The following NKIRAS1 variants were observed in gnomAD, a reference collection of about 807,000 sequenced individuals.
NKIRAS1 encodes the protein NF-kappa-B inhibitor-interacting Ras-like protein 1.
A neutral mutation model predicts 19.8 loss-of-function variants in NKIRAS1; 16 were observed. The observed-to-expected ratio is 0.81, with a 90% CI of 0.55 to 1.23. NKIRAS1 has a LOEUF of 1.23. NKIRAS1 is among the 50% of genes most tolerant of loss of function. The pLI, the probability that NKIRAS1 is intolerant of heterozygous loss-of-function variation, is 0.00. For synonymous variants in NKIRAS1, 88 were observed against 79.0 expected (o/e 1.11, Z -0.61); for missense variants, 184 against 220.0 (o/e 0.84, Z 1.04).
intron 1 of NKIRAS1, among the ~76,000 whole-genome samples, chr3:23,944,010 A>G (rs889171085): frequency 1.3e-5 from 2 of 152,248 alleles, no homozygotes; most frequent in African/African-American, 4.8e-5. Context: ...GGAGGACCCA[A>G]GAAGCACTCT....
intron 4 of NKIRAS1, among the ~76,000 whole-genome samples, chr3:23,899,980 G>A (rs567085005): frequency 2.3e-4 from 35 of 152,108 alleles, no homozygotes; most frequent in African/African-American, 8.0e-4. Flanking sequence ...TGGCTAACAC[G>A]GTGAAACCCT....
chr3:23,921,233 C>T (rs753454127), upstream of NKIRAS1, among the ~76,000 whole-genome samples: 16 of 152,180 alleles, frequency 1.1e-4, no homozygotes, highest in Admixed American at 2.0e-4. Context: ...CCTGTCCTTG[C>T]TACCCAACAG....
chr3:23,923,558 C>T (rs746793000), intron 1 of NKIRAS1: 2 of 152,144 alleles, frequency 1.3e-5, no homozygotes, highest in Non-Finnish European at 2.9e-5. Flanking sequence ...GGTATCCCAT[C>T]ATGTGGATGT....
chr3:23,913,040 C>CAAAAAAAAAAAAAAAAAAAAAAAAAAA (rs1169515621), intron 1 of NKIRAS1, among the ~76,000 whole-genome samples: 1 of 47,708 alleles, frequency 2.1e-5, no homozygotes, highest in Non-Finnish European at 4.8e-5. Context: ...GACTCCGTCT[C>CAAAAAAAAAAAAAAAAAAAAAAAAAAA]AAAAAAAAAA....
chr3:23,945,023 G>C (rs1049949295), intron 1 of NKIRAS1, among the ~76,000 whole-genome samples: 2 of 152,044 alleles, frequency 1.3e-5, no homozygotes, highest in East Asian at 1.9e-4. Flanking sequence ...AGAGGAAAGA[G>C]GAGGAGGAGG....
At chr3:23,928,983 C>T (rs1424641535) in intron 1 of NKIRAS1, among the ~76,000 whole-genome samples, 3 of 143,596 alleles carry the variant, frequency 2.1e-5, no homozygotes, top group Admixed American at 7.2e-5. Context: ...GGCGACAGAG[C>T]GAGACTCCAT....
intron 2 of NKIRAS1, 63 bp from the exon 3 acceptor site, chr3:23,910,984 T>G (rs1312922947): frequency 2.4e-6 from 3 of 1,244,970 alleles, no homozygotes; most frequent in African/African-American, 3.0e-5. Flanking sequence ...TTCTTTTTCT[T>G]TCAGTATTTC....
intron 1 of NKIRAS1, among the ~76,000 whole-genome samples, chr3:23,933,626 A>G (rs1242189539): frequency 6.6e-6 from 1 of 152,074 alleles, no homozygotes; most frequent in African/African-American, 2.4e-5. Context: ...TCCTGTGCCT[A>G]TCTCCCCCAC....
chr3:23,912,527 A>G (rs971139479), intron 1 of NKIRAS1, among the ~76,000 whole-genome samples: 1 of 152,238 alleles, frequency 6.6e-6, no homozygotes, highest in Non-Finnish European at 1.5e-5. Flanking sequence ...TTATCATTAA[A>G]AAGTCAGGAA....
intron 4 of NKIRAS1, among the ~76,000 whole-genome samples, chr3:23,897,949 G>A (rs1189002788): frequency 1.3e-5 from 2 of 152,166 alleles, no homozygotes; most frequent in South Asian, 2.1e-4. Flanking sequence ...GAATTAATAC[G>A]ATTATGGGGA....
chr3:23,936,606 G>A (rs934594161), intron 1 of NKIRAS1, among the ~76,000 whole-genome samples: 1 of 152,092 alleles, frequency 6.6e-6, no homozygotes, highest in Non-Finnish European at 1.5e-5. Context: ...GAGTGCAGTG[G>A]TGCGATCTCG....
Position 23,890,670 on chromosome 3 carries a change from A to C in NKIRAS1, c.*2425T>G. 1.2e-4 allele frequency: 118 copies of C among 966,200 alleles called. No homozygotes were observed. The highest frequency in any genetic ancestry group is 1.7e-4 in the Non-Finnish European group (108 of 650,506). 59.9% of individuals were successfully genotyped at this position (966,200 alleles called of 1,614,324 possible). On this transcript the variant is annotated 3_prime_UTR_variant, in exon 5 of 5. Transcript: ENST00000425478. ...AGAAGAGAGCTGCTTATGATTTTGA[A>C]GGGGTCAGGGAGGGTGGGAGTTGGT...
chr3:23,946,290 A>G (rs1338022550), intron 1 of NKIRAS1: 1 of 985,382 alleles, frequency 1.0e-6, no homozygotes, highest in East Asian at 1.1e-4. Flanking sequence ...AAACCAAACG[A>G]ACCGGCGCCT....
chr3:23,895,659 A>G (rs1701905276), intron 4 of NKIRAS1, among the ~76,000 whole-genome samples: 1 of 152,204 alleles, frequency 6.6e-6, no homozygotes, highest in African/African-American at 2.4e-5. Flanking sequence ...CTGCTGGCCC[A>G]GATCATACCA....
chr3:23,929,562 G>A (rs1705270517), intron 1 of NKIRAS1, among the ~76,000 whole-genome samples: 1 of 151,968 alleles, frequency 6.6e-6, no homozygotes, highest in African/African-American at 2.4e-5. Flanking sequence ...GAGTAGTAGG[G>A]ACTAGAGTTA....
chr3:23,917,904 G>A (rs935839158), upstream of NKIRAS1: 7 of 1,613,366 alleles, frequency 4.3e-6, no homozygotes, highest in Admixed American at 5.0e-5. Flanking sequence ...GAAAGAAGCA[G>A]TCTGATGTCA....
Position 23,893,080 on chromosome 3 carries a change from G to A in NKIRAS1, c.*15C>T. The stretch of plus-strand genomic sequence containing the variant: ...CAATCACTATTCAACATACAATTGT[G>A]GAAATTACTGATTTTTAGTTCTCAG... On this transcript the variant is annotated 3_prime_UTR_variant, in exon 5 of 5. Coordinates refer to ENST00000425478, the MANE Select transcript of NKIRAS1 (RefSeq NM_020345.4). 6.5e-7 allele frequency: 1 copy of A among 1,537,690 alleles called. No homozygotes were observed. Among genetic ancestry groups the A allele is most frequent in the Non-Finnish European group, 8.7e-7 (1 of 1,146,736 alleles).
intron 1 of NKIRAS1, among the ~76,000 whole-genome samples, chr3:23,940,673 T>C (rs1242441273): frequency 1.3e-5 from 2 of 152,016 alleles, no homozygotes; most frequent in Non-Finnish European, 2.9e-5. Context: ...ATAATATAAT[T>C]TTTATTATTT....
Position 23,892,488 on chromosome 3 carries a change from C to G in NKIRAS1, c.*607G>C, listed in dbSNP as rs1223801599. On this transcript the variant is annotated 3_prime_UTR_variant, in exon 5 of 5. Coordinates refer to ENST00000425478, the MANE Select transcript of NKIRAS1 (RefSeq NM_020345.4). The stretch of plus-strand genomic sequence containing the variant: ...AAAACGGCCTTAGAGCGTGATGAAC[C>G]TACTTAACACTACCTGGTACCTCAA... 6.6e-6 allele frequency: 1 copy of G among 152,152 alleles called. No individual in the cohort carries two copies. Among genetic ancestry groups the G allele is most frequent in the Admixed American group, 6.6e-5 (1 of 15,264 alleles). The allele number at this position is 152,152 out of a possible 1,614,324, so 9.4% of individuals were successfully genotyped here.
Sources: allele counts gnomAD v4.1 joint callset (sites outside exome capture counted in the v4.1 genomes callset), GRCh38; gene constraint gnomAD v4.1.1; transcripts MANE v1.5; gene names NCBI Gene and HGNC (gene_info 2026-07-23, HGNC 2026-07-21).